RAPGEF4: variants seen among roughly 807,000 people sequenced by gnomAD.
RAPGEF4 encodes the protein RAP guanine-nucleotide-exchange factor (GEF) 4.
Under a neutral mutation model 147.9 loss-of-function variants are expected in RAPGEF4, and 66 were observed. The ratio of observed to expected loss-of-function variants is 0.45; its 90% CI spans 0.37 to 0.55. The LOEUF (loss-of-function observed/expected upper bound fraction) is 0.55, where lower values mean the gene tolerates loss of function less well. RAPGEF4 is among the 20% of genes least tolerant of loss of function. RAPGEF4 has a pLI of 0.00. For missense variants in RAPGEF4, 1,071 were observed against 1,257.3 expected, an observed-to-expected ratio of 0.85 and a Z score of 2.24; for synonymous variants, 419 against 442.7, an observed-to-expected ratio of 0.95 and a Z score of 0.67.
At chr2:172,771,156 A>T (rs1275958160) in intron 1 of RAPGEF4, among the ~76,000 whole-genome samples, 1 of 152,120 alleles carries the variant, frequency 6.6e-6, no homozygotes, top group East Asian at 1.9e-4. Flanking sequence ...TTTATTGCCC[A>T]CAGTTCTGGA....
intron 1 of RAPGEF4, chr2:172,744,495 G>A (rs1043289281): frequency 8.9e-6 from 4 of 449,682 alleles, no homozygotes; most frequent in South Asian, 6.4e-5. Flanking sequence ...TAAAAATTTA[G>A]GAGTCAGACT....
At position 172,959,151 on chromosome 2, in the gene RAPGEF4, T is replaced by G. The variant is rs572922330; in HGVS notation, c.538-1609T>G. Among the ~76,000 whole-genome samples, 3 of 152,362 alleles carry G rather than the reference T, an allele frequency of 2.0e-5. No individual in the cohort carries two copies. In the South Asian group the frequency reaches 6.2e-4, roughly 32 times the overall value. On this transcript the variant is annotated intron_variant, in intron 6 of 30. Coordinates refer to ENST00000397081, the MANE Select transcript of RAPGEF4 (RefSeq NM_007023.4). ...CAAATGCAGTGGTTAAAAAACACCT[T>G]AATAACCTAACAGTGCTATTGTTTA...
At chr2:172,789,001 G>A (rs1685533263) in intron 1 of RAPGEF4, among the ~76,000 whole-genome samples, 1 of 152,196 alleles carries the variant, frequency 6.6e-6, no homozygotes, top group Non-Finnish European at 1.5e-5. Context: ...TTCAGTTCTT[G>A]CAGTGGTAAG....
intron 3 of RAPGEF4, among the ~76,000 whole-genome samples, chr2:172,800,625 G>A (rs943703637): frequency 6.6e-6 from 1 of 152,176 alleles, no homozygotes; most frequent in African/African-American, 2.4e-5. Context: ...GATTGTGGGG[G>A]CTGGCAGGTC....
intron 4 of RAPGEF4, among the ~76,000 whole-genome samples, chr2:172,826,256 C>T (rs1270835602): frequency 6.6e-6 from 1 of 152,192 alleles, no homozygotes; most frequent in Non-Finnish European, 1.5e-5. Context: ...AGCGAGTTCT[C>T]TTTTTTTGTG....
chr2:172,819,461 C>CTTTTTTTATTTTTTTTTTTT (rs1688833428), intron 4 of RAPGEF4, among the ~76,000 whole-genome samples: 1 of 87,008 alleles, frequency 1.1e-5, no homozygotes, highest in African/African-American at 4.6e-5. Context: ...ATTTTTAGTT[C>CTTTTTTTATTTTTTTTTTTT]TTTTTTTTTT....
At chr2:172,922,123 A>C (rs1348110023) in intron 5 of RAPGEF4, among the ~76,000 whole-genome samples, 158 bp from the exon 6 acceptor site, 1 of 152,234 alleles carries the variant, frequency 6.6e-6, no homozygotes, top group African/African-American at 2.4e-5. Context: ...GCATTATATA[A>C]GTTTTTATAT....
chr2:172,805,885 A>T (rs1687445235), intron 3 of RAPGEF4, among the ~76,000 whole-genome samples: 1 of 152,068 alleles, frequency 6.6e-6, no homozygotes, highest in Non-Finnish European at 1.5e-5. Flanking sequence ...CTATGGGTGT[A>T]TTTTTTCTCA....
At chr2:173,004,509 T>C (rs999608721) in intron 17 of RAPGEF4, among the ~76,000 whole-genome samples, 1 of 152,152 alleles carries the variant, frequency 6.6e-6, no homozygotes, top group African/African-American at 2.4e-5. Context: ...CAGTCTTTTT[T>C]TCTATACATA....
At chr2:172,937,730 A>G (rs1686737578) in intron 6 of RAPGEF4, among the ~76,000 whole-genome samples, 1 of 152,142 alleles carries the variant, frequency 6.6e-6, no homozygotes, top group Non-Finnish European at 1.5e-5. Context: ...ATAGCAGAAT[A>G]GCTACATTGT....
At chr2:172,918,247 CTTTTT>C (rs11332643) in intron 5 of RAPGEF4, among the ~76,000 whole-genome samples, 1 of 87,618 alleles carries the variant, frequency 1.1e-5, no homozygotes. Context: ...CCACCTCTTG[CTTTTT>C]TTTTTTTTTT....
At chr2:172,767,281 C>T (rs191609014) in intron 1 of RAPGEF4, among the ~76,000 whole-genome samples, 314 of 151,476 alleles carry the variant, frequency 2.1e-3, no homozygotes, top group Non-Finnish European at 3.5e-3. Flanking sequence ...TGGGTTCAGG[C>T]GATTCTCCTG....
In RAPGEF4 at chr2:172,819,461, CTTTTTTTTT is replaced by C. The variant is rs1242605865; in HGVS notation, c.444+5050_444+5058del. 4.1e-3 allele frequency among the ~76,000 whole-genome samples: 354 copies of C among 87,026 alleles called. 3 individuals are homozygous for C. Among genetic ancestry groups the C allele is most frequent in the Middle Eastern group, 0.031 (3 of 98 alleles). 57.1% of individuals were successfully genotyped at this position (87,026 alleles called of 152,430 possible). A position where few individuals can be genotyped will look rare whatever the true frequency, so the allele number is the denominator to read the frequency against. ...AAGTCTTAGAATACCATTTTTAGTT[CTTTTTTTTT>C]TTTTTTTTTTTTTGAGACGGAGTCT... On this transcript the variant is annotated intron_variant, in intron 4 of 30. Transcript: ENST00000397081.
At chr2:172,738,322 C>T (rs768039243) in intron 1 of RAPGEF4, among the ~76,000 whole-genome samples, 2 of 152,104 alleles carry the variant, frequency 1.3e-5, no homozygotes, top group African/African-American at 2.4e-5. Flanking sequence ...GGGGATGCAA[C>T]AAAATATGAG....
intron 14 of RAPGEF4, 144 bp downstream of exon 14, chr2:172,988,983 A>G: frequency 2.2e-6 from 2 of 910,038 alleles, no homozygotes; most frequent in Non-Finnish European, 3.3e-6. Flanking sequence ...CAAACCGGTT[A>G]TATTTAATGT....
chr2:172,817,748 G>A (rs1428268596), intron 4 of RAPGEF4, among the ~76,000 whole-genome samples: 1 of 151,890 alleles, frequency 6.6e-6, no homozygotes, highest in Non-Finnish European at 1.5e-5. Flanking sequence ...TATCTACCCA[G>A]ATGAAAATAA....
chr2:172,824,017 A>G (rs1689395695), intron 4 of RAPGEF4, among the ~76,000 whole-genome samples: 1 of 152,218 alleles, frequency 6.6e-6, no homozygotes, highest in Admixed American at 6.5e-5. Context: ...TTATGAGTTA[A>G]AAAATCTAGT....
chr2:173,018,176 C>T (rs913273579), intron 21 of RAPGEF4, among the ~76,000 whole-genome samples: 19 of 152,116 alleles, frequency 1.2e-4, no homozygotes, highest in East Asian at 3.8e-4. Flanking sequence ...AAATAGCATC[C>T]GAGCTTACAT....
Position 173,052,843 on chromosome 2 carries a change from T to A in RAPGEF4, c.*1076T>A, listed in dbSNP as rs557422553. 2 of 152,502 alleles carry A rather than the reference T, an allele frequency of 1.3e-5. No individual in the cohort carries two copies. The highest frequency in any genetic ancestry group is 3.9e-4 in the East Asian group (2 of 5,190). The allele number at this position is 152,502 out of a possible 1,614,324, so 9.4% of individuals were successfully genotyped here. A position where few individuals can be genotyped will look rare whatever the true frequency, so the allele number is the denominator to read the frequency against. Reference sequence around the variant, plus strand: ...TGTAGGAATTGTATGTATGTATATCTTCTGTAAATAACATCTAGTATCTTC... The same window carrying A: ...TGTAGGAATTGTATGTATGTATATCATCTGTAAATAACATCTAGTATCTTC... On this transcript the variant is annotated 3_prime_UTR_variant, in exon 31 of 31. Coordinates refer to ENST00000397081, the MANE Select transcript of RAPGEF4 (RefSeq NM_007023.4).
Sources: gnomAD v4.1 joint callset for allele counts (sites outside exome capture counted in the v4.1 genomes callset) on GRCh38, gnomAD v4.1.1 for gene constraint, MANE v1.5 for transcripts, NCBI Gene and HGNC (gene_info 2026-07-23, HGNC 2026-07-21) for gene names.